Variants in OPRD1 observed in about 807,000 individuals in gnomAD.
OPRD1 encodes the protein delta-type opioid receptor.
In OPRD1, 19 loss-of-function variants were observed where a neutral mutation model predicts 17.5. The ratio of observed to expected loss-of-function variants is 1.09; its 90% CI spans 0.76 to 1.60. The LOEUF is 1.60. OPRD1 is among the 40% of genes most tolerant of loss of function. The pLI is 0.00. For missense variants in OPRD1, 483 were observed against 547.2 expected, an observed-to-expected ratio of 0.88 and a Z score of 1.17; for synonymous variants, 256 against 240.9, an observed-to-expected ratio of 1.06 and a Z score of -0.58.
At chr1:28,846,910 TCTTTCTTTCTTTCTTTTTCTTC>T (rs2088957710) in intron 1 of OPRD1, among the ~76,000 whole-genome samples, 1 of 139,152 alleles carries the variant, frequency 7.2e-6, no homozygotes. Context: ...TCTTTCTTTT[TCTTTCTTTCTTTCTTTTTCTTC>T]CTTCCTTCCT....
chr1:28,854,602 G>T (rs987430561), intron 1 of OPRD1, among the ~76,000 whole-genome samples: 2 of 151,966 alleles, frequency 1.3e-5, no homozygotes, highest in African/African-American at 4.8e-5. Flanking sequence ...GTCCCTGTGC[G>T]AGCTGGTGAG....
At chr1:28,836,007 C>T (rs905068905) in intron 1 of OPRD1, among the ~76,000 whole-genome samples, 11 of 152,138 alleles carry the variant, frequency 7.2e-5, no homozygotes, top group South Asian at 2.1e-4. Flanking sequence ...ACATAGTGAG[C>T]GCTCGTAAAC....
chr1:28,835,090 C>A (rs1332310780), intron 1 of OPRD1, among the ~76,000 whole-genome samples: 2 of 152,168 alleles, frequency 1.3e-5, no homozygotes, highest in Non-Finnish European at 2.9e-5. Context: ...AACACTCAGA[C>A]AGCATGTCAC....
rs375912694 is a variant in OPRD1, at chr1:28,859,091, A to G, written c.365A>G (p.Lys122Arg). ...TGGCCCTTCGGCGAGCTGCTCTGCA[A>G]GGCTGTGCTCTCCATCGACTACTAC... ...ETWPFGELLC[K>R]AVLSIDYYNM... The change falls in exon 2 of 3, where the codon AAG becomes AGG. Residue 122 changes from lysine (K) to arginine (R), a missense_variant. Transcript: ENST00000234961. 6.2e-7 allele frequency: 1 copy of G among 1,614,224 alleles called. No homozygotes were observed. The highest frequency in any genetic ancestry group is 8.5e-7 in the Non-Finnish European group (1 of 1,180,050).
chr1:28,858,360 C>T (rs1255156871), intron 1 of OPRD1, among the ~76,000 whole-genome samples: 6 of 151,418 alleles, frequency 4.0e-5, no homozygotes, highest in East Asian at 1.9e-4. Flanking sequence ...GTGATCCGCC[C>T]GCCTCGGCCT....
At chr1:28,814,511 C>G (rs1569597376) in intron 1 of OPRD1, among the ~76,000 whole-genome samples, 1 of 152,318 alleles carries the variant, frequency 6.6e-6, no homozygotes, top group South Asian at 2.1e-4. Flanking sequence ...CTGAGAGCTC[C>G]GGATTCCTGG....
rs981464821 is a variant in OPRD1, at chr1:28,863,532, C to T, written c.*249C>T. 24 of 437,010 alleles carry T rather than the reference C, an allele frequency of 5.5e-5. No homozygotes were observed. The highest frequency in any genetic ancestry group is 7.5e-5 in the Non-Finnish European group (19 of 252,784). The allele number at this position is 437,010 out of a possible 1,614,324, so 27.1% of individuals were successfully genotyped here. A position where few individuals can be genotyped will look rare whatever the true frequency, so the allele number is the denominator to read the frequency against. ...TCTGGTCTGGGTGCCCCGTCCACGG[C>T]TCTAGGTGGGGCGGGAAAGCCAGTG... On this transcript the variant is annotated 3_prime_UTR_variant, in exon 3 of 3. Coordinates refer to ENST00000234961, the MANE Select transcript of OPRD1 (RefSeq NM_000911.4).
intron 1 of OPRD1, among the ~76,000 whole-genome samples, chr1:28,835,218 C>T (rs1031299350): frequency 6.6e-6 from 1 of 152,186 alleles, no homozygotes; most frequent in Non-Finnish European, 1.5e-5. Context: ...ATCCCTGGTC[C>T]AGCCACCCCT....
intron 1 of OPRD1, among the ~76,000 whole-genome samples, chr1:28,842,781 A>G (rs1488724426): frequency 6.6e-6 from 1 of 152,132 alleles, no homozygotes; most frequent in East Asian, 1.9e-4. Context: ...TAAAATAAAA[A>G]AGCAGGCCAG....
chr1:28,824,313 CTT>C (rs58074384), intron 1 of OPRD1, among the ~76,000 whole-genome samples: 1,969 of 109,802 alleles, frequency 0.018, 34 homozygotes, highest in African/African-American at 0.067. Context: ...TTTCTTTTTT[CTT>C]TTTTTTTTTT....
intron 1 of OPRD1, among the ~76,000 whole-genome samples, chr1:28,836,612 C>G (rs865865506): frequency 6.6e-6 from 1 of 152,062 alleles, no homozygotes; most frequent in African/African-American, 2.4e-5. Context: ...CGTGGAAGAA[C>G]GCCTGCTGGC....
intron 1 of OPRD1, among the ~76,000 whole-genome samples, chr1:28,845,355 G>T (rs58749388): frequency 0.056 from 8,533 of 152,014 alleles, 259 homozygotes; most frequent in South Asian, 0.091. Flanking sequence ...CGGGCATGCT[G>T]GTGGGAGCCT....
rs538566108 is a variant in OPRD1, at chr1:28,859,467, G to A, written c.577+164G>A. The stretch of plus-strand genomic sequence containing the variant: ...ATGGTGTGGTGGCTGGCCAGTGGGA[G>A]TGTAGAAGAAGGTCAACCAATGGGA... On this transcript the variant is annotated intron_variant, in intron 2 of 2. Coordinates refer to ENST00000234961, the MANE Select transcript of OPRD1 (RefSeq NM_000911.4). Among the ~76,000 whole-genome samples the A allele has an allele frequency of 2.6e-5, 4 of 152,330 alleles. No homozygotes were observed. In the East Asian group the frequency reaches 7.7e-4, roughly 29 times the overall value.
At chr1:28,851,863 A>AG (rs2089006746) in intron 1 of OPRD1, among the ~76,000 whole-genome samples, 1 of 116,714 alleles carries the variant, frequency 8.6e-6, no homozygotes, top group Non-Finnish European at 1.8e-5. Flanking sequence ...CTCAAAAAAA[A>AG]GAAAAAAAAA....
intron 1 of OPRD1, among the ~76,000 whole-genome samples, chr1:28,815,820 G>A (rs575164280): frequency 7.9e-5 from 12 of 152,212 alleles, no homozygotes; most frequent in Non-Finnish European, 1.6e-4. Flanking sequence ...GCATGTGGGG[G>A]GTGGGGAGCA....
chr1:28,853,777 C>T (rs1462563228), intron 1 of OPRD1, among the ~76,000 whole-genome samples: 1 of 146,928 alleles, frequency 6.8e-6, no homozygotes, highest in Non-Finnish European at 1.5e-5. Context: ...GATAGGGTTT[C>T]ACCTAGTCGC....
intron 1 of OPRD1, among the ~76,000 whole-genome samples, chr1:28,819,861 T>C (rs2088697852): frequency 6.6e-6 from 1 of 152,072 alleles, no homozygotes; most frequent in Non-Finnish European, 1.5e-5. Flanking sequence ...GGCCTCTGCA[T>C]GGGGTGGCAG....
intron 1 of OPRD1, among the ~76,000 whole-genome samples, chr1:28,817,654 G>A (rs2088680512): frequency 6.6e-6 from 1 of 152,174 alleles, no homozygotes; most frequent in Non-Finnish European, 1.5e-5. Context: ...AGGTCAGGGA[G>A]CGCCTGGTCT....
chr1:28,815,879 G>A (rs1441320453), intron 1 of OPRD1, among the ~76,000 whole-genome samples: 1 of 152,220 alleles, frequency 6.6e-6, no homozygotes, highest in Non-Finnish European at 1.5e-5. Flanking sequence ...AAGCCGGGTG[G>A]TGTAGTGGGC....
Sources: allele counts gnomAD v4.1 joint callset (sites outside exome capture counted in the v4.1 genomes callset), GRCh38; gene constraint gnomAD v4.1.1; transcripts MANE v1.5; gene names NCBI Gene and HGNC (gene_info 2026-07-23, HGNC 2026-07-21).